The following PDE6B variants were observed in gnomAD, a reference collection of about 807,000 sequenced individuals.
PDE6B encodes phosphodiesterase 6B.
A neutral mutation model predicts 109.0 loss-of-function variants in PDE6B; 106 were observed. That is an observed-to-expected ratio of 0.97 (90% CI 0.83 to 1.14). The LOEUF (loss-of-function observed/expected upper bound fraction) is 1.14, where lower values mean the gene tolerates loss of function less well. Ranked by LOEUF, PDE6B falls within the 50% of genes most tolerant of loss-of-function variation. The pLI, the probability that PDE6B is intolerant of heterozygous loss-of-function variation, is 0.00. For missense variants in PDE6B, 1,193 were observed against 1,155.6 expected, an observed-to-expected ratio of 1.03 and a Z score of -0.47; for synonymous variants, 490 against 471.3, an observed-to-expected ratio of 1.04 and a Z score of -0.51.
chr4:649,897 C>T (rs1342711884), intron 3 of PDE6B, among the ~76,000 whole-genome samples: 2 of 152,208 alleles, frequency 1.3e-5, no homozygotes, highest in African/African-American at 2.4e-5. Flanking sequence ...GGGCCATATG[C>T]GTCTCTGTGC....
intron 1 of PDE6B, among the ~76,000 whole-genome samples, chr4:631,786 T>C (rs1243472220): frequency 6.6e-6 from 1 of 151,348 alleles, no homozygotes; most frequent in East Asian, 2.0e-4. Flanking sequence ...ATTGTGGGGA[T>C]TTGTGTGTGG....
rs567350397 is a variant in PDE6B, at chr4:634,809, T to C, written c.601T>C (p.Phe201Leu). 6.2e-7 allele frequency: 1 copy of C among 1,613,986 alleles called. No individual in the cohort carries two copies. Among genetic ancestry groups the C allele is most frequent in the African/African-American group, 1.3e-5 (1 of 75,012 alleles). The stretch of plus-strand genomic sequence containing the variant: ...AGTGAACAAGCTCAACGGCCCATTC[T>C]TCACCAGCGAAGACGAAGATGTGAG... Reference protein sequence around the residue: ...MAVNKLNGPFFTSEDEDVFLK... With the variant: ...MAVNKLNGPFLTSEDEDVFLK... The change falls in exon 2 of 22, where the codon TTC (phenylalanine) becomes CTC (leucine). Residue 201 changes from phenylalanine to leucine, a missense_variant. Coordinates refer to ENST00000496514, the MANE Select transcript of PDE6B (RefSeq NM_000283.4).
In PDE6B at chr4:666,230, C is replaced by T. The variant is rs934734824; in HGVS notation, c.2269-301C>T. Among the ~76,000 whole-genome samples the T allele has an allele frequency of 2.0e-5, 3 of 152,152 alleles. No individual in the cohort carries two copies. Among genetic ancestry groups the T allele is most frequent in the Admixed American group, 2.0e-4 (3 of 15,288 alleles). On this transcript the variant is annotated intron_variant, in intron 19 of 21. Coordinates refer to ENST00000496514, the MANE Select transcript of PDE6B (RefSeq NM_000283.4). The surrounding 1 kb of genome is among the most constrained non-coding windows in gnomAD (Gnocchi z 5.6). ...ACTGTGTACAGCCCATCCCCCTCCC[C>T]GCCTCTCCCCAGCTGCAGTAAGGGT...
Position 656,004 on chromosome 4 carries a change from T to C in PDE6B, c.1057T>C (p.Phe353Leu). Residue 353 changes from phenylalanine (F) to leucine (L), a missense_variant and splice_region_variant, in exon 7 of 22, where the codon TTT becomes CTT. Physicochemically the swap from Phe to Leu is conservative, Grantham distance 22. Coordinates refer to ENST00000496514, the MANE Select transcript of PDE6B (RefSeq NM_000283.4). ...TCCAAGCTACGTGGCAGAAAGCGGC[T>C]TTGTGAGTCCCGTGCTGTCTGGAGT... ...GLPSYVAESG[F>L]ICNIMNASAD... is the part of the protein sequence containing the mutation. 1.3e-6 allele frequency: 2 copies of C among 1,591,692 alleles called. No homozygotes were observed. The highest frequency in any genetic ancestry group is 1.7e-6 in the Non-Finnish European group (2 of 1,159,942).
intron 10 of PDE6B, among the ~76,000 whole-genome samples, chr4:658,156 C>G (rs1258070478): frequency 7.8e-6 from 1 of 127,732 alleles, no homozygotes; most frequent in African/African-American, 3.0e-5. Flanking sequence ...GGACAGGTCA[C>G]CAGGGGTCAT....
chr4:646,689 C>T (rs917353919), intron 3 of PDE6B, among the ~76,000 whole-genome samples: 1 of 152,016 alleles, frequency 6.6e-6, no homozygotes, highest in East Asian at 1.9e-4. Flanking sequence ...TCCTCAGACA[C>T]GCGCAGCCTC....
At chr4:638,919 A>AT (rs1560106850) in intron 3 of PDE6B, among the ~76,000 whole-genome samples, 3 of 152,140 alleles carry the variant, frequency 2.0e-5, no homozygotes. Context: ...TGTCTGACCC[A>AT]TGCCCAGGTC....
chr4:630,597 C>T (rs1479366896), intron 1 of PDE6B, among the ~76,000 whole-genome samples: 1 of 152,048 alleles, frequency 6.6e-6, no homozygotes, highest in Non-Finnish European at 1.5e-5. Context: ...AGCAGATGTT[C>T]CTGGGGAGCC....
intron 2 of PDE6B, 45 bp downstream of exon 2, chr4:634,874 C>A: frequency 2.6e-6 from 4 of 1,559,932 alleles, no homozygotes; most frequent in Non-Finnish European, 3.5e-6. Context: ...TGCCTCCCTG[C>A]CTGCCTGCCC....
At position 666,673 on chromosome 4, in the gene PDE6B, G is replaced by T. The variant is rs1737838333; in HGVS notation, c.2352+59G>T. On this transcript the variant is annotated intron_variant, in intron 20 of 21. Coordinates refer to ENST00000496514, the MANE Select transcript of PDE6B (RefSeq NM_000283.4). The surrounding 1 kb of genome is among the most constrained non-coding windows in gnomAD (Gnocchi z 5.6). Reference sequence around the variant, plus strand: ...GGCAGGGTGGCTGGGAGCAGGCAAGGGGGCGCGGGCTGGAGTCGCGTGGAC... The same window carrying T: ...GGCAGGGTGGCTGGGAGCAGGCAAGTGGGCGCGGGCTGGAGTCGCGTGGAC... 3.4e-6 allele frequency: 4 copies of T among 1,184,564 alleles called. No individual in the cohort carries two copies. The South Asian group carries it at 4.9e-5, about 14-fold the overall frequency. 73.4% of individuals were successfully genotyped at this position (1,184,564 alleles called of 1,614,324 possible). A position where few individuals can be genotyped will look rare whatever the true frequency, so the allele number is the denominator to read the frequency against.
At chr4:669,965 A>T in intron 21 of PDE6B, 81 bp from the exon 22 acceptor site, 1 of 1,146,402 alleles carries the variant, frequency 8.7e-7, no homozygotes, top group Non-Finnish European at 1.3e-6. Context: ...GGGTTGGTAG[A>T]GGTCACACCA....
Position 633,864 on chromosome 4 carries a change from G to T in PDE6B, c.469-813G>T, listed in dbSNP as rs1453712990. ...TGAAGGACAGAATCCCAGTCACCGG[G>T]GGGTGTCTGGTCTCAGTAACCCTCG... On this transcript the variant is annotated intron_variant, in intron 1 of 21. Transcript: ENST00000496514. This position sits in a 1 kb window ranked among gnomAD's most constrained non-coding sequence, Gnocchi z 4.5. 6.6e-6 allele frequency among the ~76,000 whole-genome samples: 1 copy of T among 152,196 alleles called. No individual in the cohort carries two copies. The highest frequency in any genetic ancestry group is 1.5e-5 in the Non-Finnish European group (1 of 68,032).
rs1406431965 is a variant in PDE6B at position 664,962 on chromosome 4, T to C, written c.2193+18T>C. 12 of 1,595,894 alleles carry C rather than the reference T, an allele frequency of 7.5e-6. No homozygotes were observed. The highest frequency in any genetic ancestry group is 3.3e-5 in the Admixed American group (2 of 59,974). ...AGAGCAAGGTTAGAACAGAGGGCCC[T>C]CCAGACCCAGAGTCAGTGCCTCTCA... On this transcript the variant is annotated intron_variant, in intron 18 of 21. Coordinates refer to ENST00000496514, the MANE Select transcript of PDE6B (RefSeq NM_000283.4).
rs532131170 is a variant in PDE6B, at chr4:663,600, G to A, written c.1921-170G>A. The A allele has an allele frequency of 3.0e-4, 199 of 655,744 alleles. 3 individuals carry two copies. In the South Asian group the frequency reaches 3.4e-3, roughly 11 times the overall value. The allele number at this position is 655,744 out of a possible 1,614,324, so 40.6% of individuals were successfully genotyped here. A position where few individuals can be genotyped will look rare whatever the true frequency, so the allele number is the denominator to read the frequency against. The stretch of plus-strand genomic sequence containing the variant: ...CGATGGAGCCGCTGGTGGAGAGCTG[G>A]GCACCCTGAGGAGGGCCCTGAGCAG... On this transcript the variant is annotated intron_variant, in intron 15 of 21. Coordinates refer to ENST00000496514, the MANE Select transcript of PDE6B (RefSeq NM_000283.4). This position sits in a 1 kb window ranked among gnomAD's most constrained non-coding sequence, Gnocchi z 4.0.
chr4:654,600 A>T, intron 5 of PDE6B: 1 of 636,004 alleles, frequency 1.6e-6, no homozygotes, highest in Non-Finnish European at 2.9e-6. Flanking sequence ...ATGTGTGTGC[A>T]CCCTGAGCCT....
rs1226007015 is a variant in PDE6B, at chr4:670,575, CTG to C, written c.*470_*471del. On this transcript the variant is annotated 3_prime_UTR_variant, in exon 22 of 22. Coordinates refer to ENST00000496514, the MANE Select transcript of PDE6B (RefSeq NM_000283.4). Reference sequence around the variant, plus strand: ...TAAACTGAAGCCAACTGTGAATAAACTGTAGCCTACATTACTCATCCATTTTT... The same window carrying C: ...TAAACTGAAGCCAACTGTGAATAAACTAGCCTACATTACTCATCCATTTTT... 1 of 218,468 alleles carries C rather than the reference CTG, an allele frequency of 4.6e-6. No individual in the cohort carries two copies. The highest frequency in any genetic ancestry group is 9.3e-6 in the Non-Finnish European group (1 of 107,114). 13.5% of individuals were successfully genotyped at this position (218,468 alleles called of 1,614,324 possible).
chr4:636,404 G>A lies in PDE6B; in HGVS notation c.711+435G>A, dbSNP rs1197822317. Among the ~76,000 whole-genome samples, 3 of 151,964 alleles carry A rather than the reference G, an allele frequency of 2.0e-5. No individual in the cohort carries two copies. The highest frequency in any genetic ancestry group is 3.9e-4 in the East Asian group (2 of 5,178). The stretch of plus-strand genomic sequence containing the variant: ...TCCGGCCCTGGCTGAGAGAGGGTAC[G>A]GGGGCAGGTCTGGCCCTGGCCGAGA... On this transcript the variant is annotated intron_variant, in intron 3 of 21. Transcript: ENST00000496514. This position sits in a 1 kb window ranked among gnomAD's most constrained non-coding sequence, Gnocchi z 4.5.
chr4:632,800 C>T (rs1343338335), intron 1 of PDE6B, among the ~76,000 whole-genome samples: 4 of 135,958 alleles, frequency 2.9e-5, no homozygotes, highest in Non-Finnish European at 4.8e-5. Flanking sequence ...TGCATGGTGC[C>T]GAGGGTCACA....
Position 666,472 on chromosome 4 carries a change from G to T in PDE6B, c.2269-59G>T. 8.4e-7 allele frequency: 1 copy of T among 1,192,348 alleles called. No homozygotes were observed. The highest frequency in any genetic ancestry group is 2.3e-5 in the East Asian group (1 of 42,910). The allele number at this position is 1,192,348 out of a possible 1,614,324, so 73.9% of individuals were successfully genotyped here. A position where few individuals can be genotyped will look rare whatever the true frequency, so the allele number is the denominator to read the frequency against. ...GAGTGAGGGGGTCGGGGGGCTGGGC[G>T]GGGCCCCAGGAGCTGCCTCCCTGGT... On this transcript the variant is annotated intron_variant, in intron 19 of 21. Coordinates refer to ENST00000496514, the MANE Select transcript of PDE6B (RefSeq NM_000283.4). This position sits in a 1 kb window ranked among gnomAD's most constrained non-coding sequence, Gnocchi z 5.6.
Sources: gnomAD v4.1 joint callset for allele counts (sites outside exome capture counted in the v4.1 genomes callset) on GRCh38, gnomAD v4.1.1 for gene constraint, Gnocchi (gnomAD v3.1) non-coding constraint, MANE v1.5 for transcripts, NCBI Gene and HGNC (gene_info 2026-07-23, HGNC 2026-07-21) for gene names.